TOP6BL: variants seen among roughly 807,000 people sequenced by gnomAD.
The protein encoded by TOP6BL is type 2 DNA topoisomerase 6 subunit B-like.
the TOP6BL span, among the ~76,000 whole-genome samples, chr11:66,802,356 T>C: frequency 1.3e-5 from 2 of 152,162 alleles, no homozygotes; most frequent in African/African-American, 4.8e-5. Flanking sequence ...GGTTTCACCA[T>C]GTTGGCCAGG....
the TOP6BL span, among the ~76,000 whole-genome samples, chr11:66,841,735 A>G: frequency 3.9e-5 from 6 of 152,342 alleles, no homozygotes; most frequent in African/African-American, 1.4e-4. Context: ...CCGGGAGTTC[A>G]AAGCTGCAGT....
the TOP6BL span, among the ~76,000 whole-genome samples, chr11:66,824,597 TC>T: frequency 4.5e-5 from 4 of 88,086 alleles, no homozygotes; most frequent in South Asian, 4.9e-4. Flanking sequence ...CCTTCCCCCC[TC>T]CCCCCACCCC....
the TOP6BL span, among the ~76,000 whole-genome samples, chr11:66,836,802 G>A: frequency 6.8e-6 from 1 of 146,684 alleles, no homozygotes; most frequent in South Asian, 2.2e-4. Context: ...CCGGGTTCAA[G>A]TGATTCTCCT....
chr11:66,794,714 A>G, the TOP6BL span, among the ~76,000 whole-genome samples: 1 of 152,234 alleles, frequency 6.6e-6, no homozygotes, highest in African/African-American at 2.4e-5. Flanking sequence ...AATTAGTATT[A>G]GAAAGACTTA....
At chr11:66,795,147 A>G in the TOP6BL span, among the ~76,000 whole-genome samples, 2 of 151,882 alleles carry the variant, frequency 1.3e-5, no homozygotes, top group African/African-American at 2.4e-5. Flanking sequence ...AAAAAAATAT[A>G]TATATATATA....
the TOP6BL span, among the ~76,000 whole-genome samples, chr11:66,764,024 A>G: frequency 6.6e-6 from 1 of 152,206 alleles, no homozygotes; most frequent in African/African-American, 2.4e-5. Context: ...CTTGTGCTCC[A>G]CTTAAAGGTA....
the TOP6BL span, among the ~76,000 whole-genome samples, chr11:66,831,154 T>C: frequency 3.3e-5 from 5 of 151,932 alleles, no homozygotes; most frequent in Admixed American, 3.3e-4. Flanking sequence ...ATACACTGTT[T>C]GTGGAAATGG....
chr11:66,804,130 T>C, the TOP6BL span: 1 of 1,613,982 alleles, frequency 6.2e-7, no homozygotes, highest in East Asian at 2.2e-5. Context: ...CTCCAGCAGC[T>C]GCACTGTGCC....
At chr11:66,825,135 A>T in the TOP6BL span, among the ~76,000 whole-genome samples, 2 of 150,496 alleles carry the variant, frequency 1.3e-5, no homozygotes, top group South Asian at 4.4e-4. Flanking sequence ...AAGTGCTGGG[A>T]TTACAGGCCC....
the TOP6BL span, among the ~76,000 whole-genome samples, chr11:66,790,509 G>A: frequency 1.3e-5 from 2 of 152,162 alleles, no homozygotes; most frequent in Non-Finnish European, 2.9e-5. Flanking sequence ...ACACTTGAAA[G>A]AATAGGAAGT....
At chr11:66,768,844 G>A in the TOP6BL span, among the ~76,000 whole-genome samples, 44 of 152,264 alleles carry the variant, frequency 2.9e-4, no homozygotes, top group African/African-American at 9.9e-4. Context: ...AACTTGGATA[G>A]ATAAAACAGG....
chr11:66,782,109 C>CT, the TOP6BL span, among the ~76,000 whole-genome samples: 2 of 152,182 alleles, frequency 1.3e-5, no homozygotes, highest in South Asian at 2.1e-4. Flanking sequence ...CCTCCAAACT[C>CT]TATCTCCTCT....
chr11:66,812,338 G>A, the TOP6BL span, among the ~76,000 whole-genome samples: 2 of 151,944 alleles, frequency 1.3e-5, no homozygotes, highest in African/African-American at 2.4e-5. Flanking sequence ...CACTACGCCC[G>A]GCTAATTTTT....
the TOP6BL span, among the ~76,000 whole-genome samples, chr11:66,783,178 C>T: frequency 6.6e-6 from 1 of 152,114 alleles, no homozygotes; most frequent in Non-Finnish European, 1.5e-5. Flanking sequence ...CAAAAAATTA[C>T]AACAATTTCC....
the TOP6BL span, chr11:66,756,375 C>T: frequency 8.4e-6 from 10 of 1,193,970 alleles, no homozygotes; most frequent in Non-Finnish European, 1.1e-5. Flanking sequence ...CTCTGTTACC[C>T]AGGCCGGAGT....
chr11:66,787,568 A>G, the TOP6BL span, among the ~76,000 whole-genome samples: 17 of 141,066 alleles, frequency 1.2e-4, no homozygotes, highest in East Asian at 3.2e-3. Context: ...AAAAAAAAAA[A>G]GCCTAGCGGG....
the TOP6BL span, chr11:66,801,304 T>A: frequency 5.1e-6 from 3 of 590,356 alleles, no homozygotes; most frequent in Admixed American, 9.1e-5. Flanking sequence ...CTATTCTAAA[T>A]GACCTGAAGA....
At chr11:66,816,416 A>G in the TOP6BL span, among the ~76,000 whole-genome samples, 7 of 152,230 alleles carry the variant, frequency 4.6e-5, no homozygotes, top group African/African-American at 1.7e-4. Context: ...TTGGCCAGAA[A>G]TCAGCAGATA....
the TOP6BL span, among the ~76,000 whole-genome samples, chr11:66,799,644 G>A: frequency 1.6e-4 from 24 of 151,858 alleles, no homozygotes; most frequent in Non-Finnish European, 4.4e-5. Context: ...CCCAGGAGGC[G>A]GAGGTTGCAG....
Sources: gnomAD v4.1 joint callset for allele counts (sites outside exome capture counted in the v4.1 genomes callset) on GRCh38, gnomAD v4.1.1 for gene constraint, MANE v1.5 for transcripts, NCBI Gene and HGNC (gene_info 2026-07-23, HGNC 2026-07-21) for gene names.